The following LYN variants were observed in gnomAD, a reference collection of about 807,000 sequenced individuals.
The protein encoded by LYN is LYN proto-oncogene, Src family tyrosine kinase, also known as tyrosine-protein kinase Lyn.
LYN carries 12 observed loss-of-function variants against 65.0 expected under a neutral mutation model. The observed-to-expected ratio is 0.18, with a 90% confidence interval of 0.12 to 0.30. LYN has a LOEUF of 0.30. LYN is among the 10% of genes least tolerant of loss of function. The pLI is 1.00. For missense variants in LYN, 380 were observed against 623.2 expected (o/e 0.61, Z 4.16); for synonymous variants, 222 against 221.2 (o/e 1.00, Z -0.03).
chr8:55,908,300 A>G (rs575401447), intron 1 of LYN, among the ~76,000 whole-genome samples: 151 of 151,772 alleles, frequency 9.9e-4, no homozygotes, highest in African/African-American at 3.6e-3. Flanking sequence ...GCTGGAGTGC[A>G]GTGGTGCAAT....
At chr8:55,961,605 A>C (rs1373158745) in intron 8 of LYN, among the ~76,000 whole-genome samples, 3 of 152,078 alleles carry the variant, frequency 2.0e-5, no homozygotes, top group Non-Finnish European at 2.9e-5. Flanking sequence ...TTTCCTGATG[A>C]CTTCCCCCCT....
intron 1 of LYN, among the ~76,000 whole-genome samples, chr8:55,911,888 G>A (rs1427413302): frequency 6.6e-6 from 1 of 152,186 alleles, no homozygotes; most frequent in East Asian, 1.9e-4. Flanking sequence ...TGGGTTTCAA[G>A]TGTGTTGTGA....
intron 1 of LYN, among the ~76,000 whole-genome samples, chr8:55,899,338 G>T (rs80097288): frequency 0.039 from 5,887 of 152,130 alleles, 360 homozygotes; most frequent in African/African-American, 0.13. Flanking sequence ...CAAGTCAGCC[G>T]GACCCCTAAA....
chr8:56,005,810 A>C (rs1458396081), intron 12 of LYN, among the ~76,000 whole-genome samples: 5 of 152,182 alleles, frequency 3.3e-5, no homozygotes, highest in Non-Finnish European at 5.9e-5. Flanking sequence ...CTGACTGGGC[A>C]TGGTAGCTCA....
chr8:55,919,387 T>C (rs1424952540), intron 1 of LYN, among the ~76,000 whole-genome samples: 1 of 152,184 alleles, frequency 6.6e-6, no homozygotes, highest in African/African-American at 2.4e-5. Context: ...AACATAAATA[T>C]GAATGCTCTG....
At chr8:55,958,901 A>C (rs1293765701) in intron 8 of LYN, among the ~76,000 whole-genome samples, 1 of 152,134 alleles carries the variant, frequency 6.6e-6, no homozygotes, top group East Asian at 1.9e-4. Flanking sequence ...GCTATTGTGA[A>C]TTTGCCACTG....
intron 12 of LYN, among the ~76,000 whole-genome samples, chr8:56,003,102 C>T (rs1265003299): frequency 6.6e-6 from 1 of 151,392 alleles, no homozygotes; most frequent in East Asian, 2.0e-4. Context: ...CTCTGTTGCC[C>T]AGGCTGGAGT....
chr8:55,997,928 C>A (rs1308238432), intron 10 of LYN, among the ~76,000 whole-genome samples: 1 of 151,830 alleles, frequency 6.6e-6, no homozygotes, highest in Non-Finnish European at 1.5e-5. Context: ...ACTAAAAATA[C>A]AAAAAATTAG....
chr8:55,900,635 C>T (rs1218551112), intron 1 of LYN, among the ~76,000 whole-genome samples: 1 of 151,602 alleles, frequency 6.6e-6, no homozygotes, highest in Non-Finnish European at 1.5e-5. Flanking sequence ...CCAGTCTTGG[C>T]CTCCCAAAGT....
rs1214947972 is a variant in LYN, at chr8:55,909,000, TATATATATATACACACACACACACACAC to T, written c.-6+28899_-6+28926del. On this transcript the variant is annotated intron_variant, in intron 1 of 12. Transcript: ENST00000519728. ...ATTCCATTGTGTATGTATATATATATATATATATATACACACACACACACACACACACACACACACACACACACACACC... is the reference window on the plus strand; with the variant it reads ...ATTCCATTGTGTATGTATATATATATACACACACACACACACACACACACC... 3.0e-3 allele frequency among the ~76,000 whole-genome samples: 73 copies of T among 24,346 alleles called. 10 individuals carry two copies. Among genetic ancestry groups the T allele is most frequent in the Admixed American group, 0.016 (45 of 2,892 alleles). 16.0% of individuals were successfully genotyped at this position (24,346 alleles called of 152,430 possible). A position where few individuals can be genotyped will look rare whatever the true frequency, so the allele number is the denominator to read the frequency against.
At chr8:55,974,958 A>G (rs1807714945) in intron 10 of LYN, among the ~76,000 whole-genome samples, 1 of 152,176 alleles carries the variant, frequency 6.6e-6, no homozygotes, top group Non-Finnish European at 1.5e-5. Flanking sequence ...CACTCCATAT[A>G]TAATCTCCCC....
At chr8:55,937,744 G>A (rs1333723373) in intron 1 of LYN, among the ~76,000 whole-genome samples, 3 of 152,180 alleles carry the variant, frequency 2.0e-5, no homozygotes, top group African/African-American at 4.8e-5. Flanking sequence ...CCAGGCTGGA[G>A]TGCAGTGGCA....
chr8:55,953,838 C>T lies in LYN; in HGVS notation c.644C>T (p.Ala215Val). ...SDMIKHYQKQ[A>V]DGLCRRLEKA... The stretch of plus-strand genomic sequence containing the variant: ...TTTTTCCCTTTCAAATTAGAGCAGG[C>T]AGATGGCTTGTGCAGAAGATTGGAG... Residue 215 changes from alanine to valine, a missense_variant, in exon 8 of 13, where the codon GCA (alanine) becomes GTA (valine). By Grantham distance (64) the Ala-to-Val change is moderately conservative. This residue lies in a region of LYN where 223 missense variants were observed against 430.0 expected (regional missense o/e 0.52). Coordinates refer to ENST00000519728, the MANE Select transcript of LYN (RefSeq NM_002350.4). 1 of 1,613,598 alleles carries T rather than the reference C, an allele frequency of 6.2e-7. No individual in the cohort carries two copies. The highest frequency in any genetic ancestry group is 8.5e-7 in the Non-Finnish European group (1 of 1,179,796).
intron 1 of LYN, among the ~76,000 whole-genome samples, chr8:55,904,889 A>G (rs1042511659): frequency 2.6e-5 from 4 of 152,174 alleles, no homozygotes; most frequent in African/African-American, 9.7e-5. Flanking sequence ...GTAAGGTTGT[A>G]GTGTAGAGTG....
rs1050875 is a variant in LYN, at chr8:55,998,432, C to T, written c.1137C>T (p.Leu379=). 1 of 1,614,038 alleles carries T rather than the reference C, an allele frequency of 6.2e-7. No homozygotes were observed. Among genetic ancestry groups the T allele is most frequent in the Admixed American group, 1.7e-5 (1 of 60,024 alleles). Residue 379 remains leucine, a synonymous_variant, in exon 11 of 13, where the codon CTC becomes CTT. Transcript: ENST00000519728. Reference sequence around the variant, plus strand: ...CTAATGTTCTGGTCTCCGAGTCACTCATGTGCAAAATTGCAGATTTTGGCC... The same window carrying T: ...CTAATGTTCTGGTCTCCGAGTCACTTATGTGCAAAATTGCAGATTTTGGCC... ...RAANVLVSES[L]MCKIADFGLA...
intron 2 of LYN, among the ~76,000 whole-genome samples, chr8:55,945,737 C>T (rs545507568): frequency 1.3e-5 from 2 of 152,296 alleles, no homozygotes; most frequent in East Asian, 3.9e-4. Flanking sequence ...CTCACCCCCC[C>T]ACTGAAATAA....
rs925829132 is a variant in LYN, at chr8:55,913,534, A to G, written c.-5-28321A>G. ...GAATTTCAACTACATTAAAGGTACC[A>G]GTGCTGGAGGAGATTTTTGAGGGGT... On this transcript the variant is annotated intron_variant, in intron 1 of 12. Coordinates refer to ENST00000519728, the MANE Select transcript of LYN (RefSeq NM_002350.4). 2.0e-5 allele frequency among the ~76,000 whole-genome samples: 3 copies of G among 152,196 alleles called. No homozygotes were observed. The East Asian group carries it at 5.8e-4, about 29-fold the overall frequency.
chr8:55,912,788 A>G (rs1805677074), intron 1 of LYN, among the ~76,000 whole-genome samples: 1 of 152,028 alleles, frequency 6.6e-6, no homozygotes, highest in Non-Finnish European at 1.5e-5. Context: ...GGAAAAAAGA[A>G]ATGCACATAA....
chr8:55,909,797 C>T (rs895907833), intron 1 of LYN, among the ~76,000 whole-genome samples: 1 of 152,100 alleles, frequency 6.6e-6, no homozygotes, highest in African/African-American at 2.4e-5. Flanking sequence ...GAATAATAGC[C>T]ATTCTGAGTG....
Sources: allele counts gnomAD v4.1 joint callset (sites outside exome capture counted in the v4.1 genomes callset), GRCh38; gene constraint gnomAD v4.1.1; regional missense constraint gnomAD v4.1.1; transcripts MANE v1.5; gene names NCBI Gene and HGNC (gene_info 2026-07-23, HGNC 2026-07-21).